Variants in CLHC1 observed in about 807,000 individuals in gnomAD.
CLHC1 encodes clathrin heavy chain linker domain-containing protein 1.
In CLHC1, 72 loss-of-function variants were observed where a neutral mutation model predicts 69.5. That is an observed-to-expected ratio of 1.04 (90% confidence interval 0.86 to 1.26). The LOEUF (loss-of-function observed/expected upper bound fraction) is 1.26, where lower values mean the gene tolerates loss of function less well. Ranked by LOEUF, CLHC1 falls within the 50% of genes most tolerant of loss-of-function variation. The probability of loss-of-function intolerance (pLI) is 0.00; values close to 1 mark genes in which losing one functional copy is unlikely to be tolerated. For missense variants in CLHC1, 790 were observed against 679.3 expected (o/e 1.16, Z -1.81); for synonymous variants, 223 against 224.3 (o/e 0.99, Z 0.05).
intron 9 of CLHC1, among the ~76,000 whole-genome samples, chr2:55,204,369 C>T (rs1403427305): frequency 1.3e-5 from 2 of 152,196 alleles, no homozygotes; most frequent in South Asian, 2.1e-4. Flanking sequence ...ATGTGCTCCA[C>T]ATCATTGATC....
At chr2:55,201,849 G>A (rs1208032978) in intron 9 of CLHC1, among the ~76,000 whole-genome samples, 1 of 152,074 alleles carries the variant, frequency 6.6e-6, no homozygotes, top group Non-Finnish European at 1.5e-5. Context: ...TGTAAGGATG[G>A]TTCAACATAC....
chr2:55,215,330 C>T (rs1332051927), intron 4 of CLHC1, among the ~76,000 whole-genome samples: 4 of 152,104 alleles, frequency 2.6e-5, no homozygotes, highest in Non-Finnish European at 5.9e-5. Context: ...TGTCTTTGTC[C>T]CATATTCTCT....
rs1430092810 is a variant in CLHC1, at chr2:55,175,177, T to G, written c.*613A>C. On this transcript the variant is annotated 3_prime_UTR_variant, in exon 13 of 13. Transcript: ENST00000401408. ...GACATATTTTCCATACCTATAGGTA[T>G]CACAGGTCTACTTCTATGCAAAATT... 6.6e-6 allele frequency: 1 copy of G among 152,224 alleles called. No individual in the cohort carries two copies. The highest frequency in any genetic ancestry group is 1.5e-5 in the Non-Finnish European group (1 of 68,054). The allele number at this position is 152,224 out of a possible 1,614,324, so 9.4% of individuals were successfully genotyped here. A position where few individuals can be genotyped will look rare whatever the true frequency, so the allele number is the denominator to read the frequency against.
At chr2:55,206,976 G>T (rs1040960802) in intron 8 of CLHC1, 12 of 152,054 alleles carry the variant, frequency 7.9e-5, no homozygotes, top group African/African-American at 2.4e-4. Context: ...TTAGCCAGGC[G>T]TGGTGGCATG....
intron 9 of CLHC1, among the ~76,000 whole-genome samples, chr2:55,188,827 T>C (rs920227060): frequency 1.3e-5 from 2 of 152,138 alleles, no homozygotes; most frequent in African/African-American, 4.8e-5. Context: ...TAAAACAATA[T>C]AATTATAAGC....
At chr2:55,214,429 G>A (rs13417057) in intron 4 of CLHC1, 75,293 of 152,112 alleles carry the variant, frequency 0.49, 18,826 homozygotes, top group Admixed American at 0.56. Flanking sequence ...AATAATTTGA[G>A]CCCGGGAGGC....
chr2:55,207,879 T>C (rs1573706730), intron 8 of CLHC1, among the ~76,000 whole-genome samples: 1 of 152,230 alleles, frequency 6.6e-6, no homozygotes, highest in East Asian at 1.9e-4. Flanking sequence ...AATGTTATTG[T>C]CTGTATTTTT....
chr2:55,177,534 A>T, intron 12 of CLHC1, 68 bp downstream of exon 12: 1 of 1,141,978 alleles, frequency 8.8e-7, no homozygotes, highest in East Asian at 2.5e-5. Context: ...TAACTCATGC[A>T]TAACCATCTT....
At chr2:55,203,581 A>G (rs529024260) in intron 9 of CLHC1, among the ~76,000 whole-genome samples, 1 of 152,184 alleles carries the variant, frequency 6.6e-6, no homozygotes, top group South Asian at 2.1e-4. Flanking sequence ...TCTTCAGTAA[A>G]TGGTGCTGGG....
In CLHC1 at chr2:55,175,742, C is replaced by T; in HGVS notation, c.*48G>A. ...GTTAAAATCAGTTTTTCCCAACCAG[C>T]ATACATAAGGTGTTGTACAAGCTCC... On this transcript the variant is annotated 3_prime_UTR_variant, in exon 13 of 13. Coordinates refer to ENST00000401408, the MANE Select transcript of CLHC1 (RefSeq NM_152385.4). The T allele has an allele frequency of 7.4e-7, 1 of 1,350,452 alleles. No homozygotes were observed. Among genetic ancestry groups the T allele is most frequent in the South Asian group, 1.3e-5 (1 of 75,954 alleles). 83.7% of individuals were successfully genotyped at this position (1,350,452 alleles called of 1,614,324 possible).
chr2:55,214,746 G>A (rs1024105193), intron 4 of CLHC1: 2 of 152,276 alleles, frequency 1.3e-5, no homozygotes, highest in South Asian at 2.1e-4. Flanking sequence ...GCAGATACTT[G>A]TATATGAATT....
At chr2:55,219,714 G>C (rs1160236921) in intron 3 of CLHC1, among the ~76,000 whole-genome samples, 2 of 152,104 alleles carry the variant, frequency 1.3e-5, no homozygotes, top group Middle Eastern at 3.2e-3. Flanking sequence ...CCAGCATTAA[G>C]GCTGCTACTA....
intron 1 of CLHC1, among the ~76,000 whole-genome samples, chr2:55,230,433 T>C (rs6711753): frequency 0.32 from 48,564 of 152,080 alleles, 8,005 homozygotes; most frequent in African/African-American, 0.38. Flanking sequence ...GTTGAGTAGA[T>C]AGCTGGATAT....
intron 9 of CLHC1, among the ~76,000 whole-genome samples, chr2:55,198,311 T>G (rs949124387): frequency 6.6e-6 from 1 of 151,982 alleles, no homozygotes. Context: ...CCTGGCTGGG[T>G]GTGGTGGCTC....
chr2:55,208,937 C>A (rs1175848544), intron 7 of CLHC1, among the ~76,000 whole-genome samples: 2 of 130,876 alleles, frequency 1.5e-5, no homozygotes, highest in African/African-American at 5.8e-5. Context: ...GTGGCCCTAT[C>A]TTGGCTCACT....
intron 5 of CLHC1, among the ~76,000 whole-genome samples, chr2:55,211,044 T>G (rs896141257): frequency 3.9e-5 from 6 of 152,108 alleles, no homozygotes; most frequent in African/African-American, 7.2e-5. Context: ...TTAGTACATA[T>G]CACAAAATAC....
At position 55,181,697 on chromosome 2, in the gene CLHC1, CAAAA is replaced by C; in HGVS notation, c.1050_1053del (p.Phe350LeufsTer19). Reference sequence around the variant, plus strand: ...GCATGACTTGTGATAAAGAGGGCCTCAAAAAATAAGAGTAATGGAAGAGGCTTTC... The same window carrying C: ...GCATGACTTGTGATAAAGAGGGCCTCAATAAGAGTAATGGAAGAGGCTTTC... On this transcript the variant is annotated frameshift_variant, in exon 10 of 13. Transcript: ENST00000401408. LOFTEE classifies it high-confidence loss of function. 1 of 1,613,414 alleles carries C rather than the reference CAAAA, an allele frequency of 6.2e-7. No homozygotes were observed. The highest frequency in any genetic ancestry group is 1.1e-5 in the South Asian group (1 of 90,984).
chr2:55,181,549 T>C (rs1369783595), intron 10 of CLHC1, 21 bp downstream of exon 10: 4 of 1,554,444 alleles, frequency 2.6e-6, no homozygotes, highest in Admixed American at 2.1e-5. Flanking sequence ...AAAATTAAGT[T>C]AAAAGCTTAA....
chr2:55,194,323 T>TA (rs565632894), intron 9 of CLHC1, among the ~76,000 whole-genome samples: 12 of 150,906 alleles, frequency 8.0e-5, no homozygotes, highest in Admixed American at 2.0e-4. Context: ...TCAATAAATG[T>TA]AAAAAAAAAG....
Sources: gnomAD v4.1 joint callset for allele counts (sites outside exome capture counted in the v4.1 genomes callset) on GRCh38, gnomAD v4.1.1 for gene constraint, MANE v1.5 for transcripts, NCBI Gene and HGNC (gene_info 2026-07-23, HGNC 2026-07-21) for gene names.